NCOR2: variants seen among roughly 807,000 people sequenced by gnomAD.
The protein encoded by NCOR2 is CTG repeat protein 26.
In NCOR2, 81 loss-of-function variants were observed where a neutral mutation model predicts 262.9. The observed-to-expected ratio is 0.31, with a 90% confidence interval of 0.26 to 0.37. The LOEUF (loss-of-function observed/expected upper bound fraction) is 0.37. Among genes scored for constraint, NCOR2 ranks in the 10% least tolerant of loss-of-function variants. NCOR2 has a pLI of 1.00. For synonymous variants in NCOR2, 1,659 were observed against 1,559.3 expected, an observed-to-expected ratio of 1.06 and a Z score of -1.51; for missense variants, 3,385 against 3,621.4, an observed-to-expected ratio of 0.93 and a Z score of 1.68.
chr12:124,325,392 C>CCCCCCAAAA, exon 47 of NCOR2: 1 of 1,152,270 alleles, frequency 8.7e-7, no homozygotes, highest in Non-Finnish European at 1.1e-6. Flanking sequence ...CCCCCCCGCC[C>CCCCCCAAAA]TGTTCTGAGT....
At chr12:124,379,202 G>A (rs2040236466) in intron 17 of NCOR2, among the ~76,000 whole-genome samples, 1 of 152,142 alleles carries the variant, frequency 6.6e-6, no homozygotes, top group Non-Finnish European at 1.5e-5. Flanking sequence ...CATGCCGGGT[G>A]TGTCCAGGAA....
In NCOR2 at chr12:124,375,503, C is replaced by T. The variant is rs555425894; in HGVS notation, c.2168-1040G>A. Among the ~76,000 whole-genome samples the T allele has an allele frequency of 1.5e-4, 23 of 152,312 alleles. 1 individual carries two copies. The Middle Eastern group carries it at 0.017, about 113-fold the overall frequency. ...CACTTCTAACAAATCCCAGGGAACA[C>T]TCTGCCACCGCTGCCCTAGAATCCA... On this transcript the variant is annotated intron_variant, in intron 18 of 46. Coordinates refer to ENST00000405201, the Ensembl canonical transcript of NCOR2.
In NCOR2 at chr12:124,341,755, C is replaced by A. The variant is rs1267138619; in HGVS notation, c.5188+68G>T. 1.9e-6 allele frequency: 3 copies of A among 1,540,234 alleles called. No individual in the cohort carries two copies. The African/African-American group carries it at 4.1e-5, about 21-fold the overall frequency. ...AGGTCTAGCTGCCTCCGCGAGGCCA[C>A]AGGGGCACGCCCATGTCCTTTGGGA... On this transcript the variant is annotated intron_variant, in intron 34 of 46. Coordinates refer to ENST00000405201, the Ensembl canonical transcript of NCOR2.
At chr12:124,379,140 C>T (rs997529159) in intron 17 of NCOR2, among the ~76,000 whole-genome samples, 6 of 107,224 alleles carry the variant, frequency 5.6e-5, no homozygotes, top group Admixed American at 9.4e-5. Context: ...AGGCTCTGGA[C>T]GAGAGTGGCA....
rs1435369168 is a variant in NCOR2 at position 124,432,325 on chromosome 12, C to A, written c.883-1538G>T. Among the ~76,000 whole-genome samples, 1 of 152,212 alleles carries A rather than the reference C, an allele frequency of 6.6e-6. No individual in the cohort carries two copies. Among genetic ancestry groups the A allele is most frequent in the Non-Finnish European group, 1.5e-5 (1 of 68,040 alleles). Reference sequence around the variant, plus strand: ...CCTGAAGAAAACCCACAGACTTCCCCTGAGGACACGGTCACCTCCCTTCCT... The same window carrying A: ...CCTGAAGAAAACCCACAGACTTCCCATGAGGACACGGTCACCTCCCTTCCT... On this transcript the variant is annotated intron_variant, in intron 8 of 46. Coordinates refer to ENST00000405201, the Ensembl canonical transcript of NCOR2. The surrounding 1 kb of genome is among the most constrained non-coding windows in gnomAD (Gnocchi z 5.1).
At chr12:124,547,282 C>T (rs1386052842) in intron 1 of NCOR2, among the ~76,000 whole-genome samples, 1 of 152,204 alleles carries the variant, frequency 6.6e-6, no homozygotes, top group Non-Finnish European at 1.5e-5. Context: ...CATGAGCCAC[C>T]ACACCTGGCC....
At chr12:124,420,249 G>A (rs1013731652) in intron 12 of NCOR2, among the ~76,000 whole-genome samples, 194 bp from the exon 15 acceptor site, 1 of 152,206 alleles carries the variant, frequency 6.6e-6, no homozygotes, top group African/African-American at 2.4e-5. Context: ...ATACTTCACA[G>A]GATTATCACA....
intron 43 of NCOR2, among the ~76,000 whole-genome samples, chr12:124,331,243 A>C (rs1444538440): frequency 2.6e-5 from 4 of 151,788 alleles, no homozygotes; most frequent in Non-Finnish European, 4.4e-5. Flanking sequence ...TTGTATTTTT[A>C]GTAGAGACGG....
At chr12:124,563,766 T>G (rs1170487739) in intron 1 of NCOR2, among the ~76,000 whole-genome samples, 1 of 152,244 alleles carries the variant, frequency 6.6e-6, no homozygotes, top group East Asian at 1.9e-4. Flanking sequence ...CCCCAAACCC[T>G]GGGGAGAACG....
chr12:124,384,064 T>G (rs1213859621), intron 17 of NCOR2, among the ~76,000 whole-genome samples: 2 of 151,646 alleles, frequency 1.3e-5, no homozygotes, highest in East Asian at 1.9e-4. Flanking sequence ...AGAGAGAAAG[T>G]GAAAGGACAG....
In NCOR2 at chr12:124,486,626, G is replaced by A. The variant is rs992373936; in HGVS notation, c.106-58C>T. 23 of 1,518,624 alleles carry A rather than the reference G, an allele frequency of 1.5e-5. 1 individual carries two copies. The African/African-American group carries it at 1.9e-4, about 13-fold the overall frequency. 94.1% of individuals were successfully genotyped at this position (1,518,624 alleles called of 1,614,324 possible). On this transcript the variant is annotated intron_variant, in intron 1 of 46. Coordinates refer to ENST00000405201, the Ensembl canonical transcript of NCOR2. The stretch of plus-strand genomic sequence containing the variant: ...GGCGGGCACGGGCATGGCGGGGCAC[G>A]GCAGGGCACAGTGGGCAAGGCCGTG...
At chr12:124,506,605 C>A (rs926539732) in intron 1 of NCOR2, among the ~76,000 whole-genome samples, 2 of 152,018 alleles carry the variant, frequency 1.3e-5, no homozygotes, top group African/African-American at 4.8e-5. Flanking sequence ...GGGAGCGGCC[C>A]TCCCCACTTG....
At chr12:124,381,529 G>C (rs1446421743) in intron 17 of NCOR2, among the ~76,000 whole-genome samples, 3 of 152,256 alleles carry the variant, frequency 2.0e-5, no homozygotes, top group African/African-American at 7.2e-5. Context: ...ACCTGGAACA[G>C]TGTCTAGCAC....
In NCOR2 at chr12:124,462,072, ACTCT is replaced by A. The variant is rs2046193327; in HGVS notation, c.705+4097_705+4100del. Among the ~76,000 whole-genome samples the A allele has an allele frequency of 2.0e-5, 3 of 152,186 alleles. 1 individual carries two copies. The South Asian group carries it at 6.2e-4, about 32-fold the overall frequency. ...GCTCGTCCCACACAAGCTGACTCTT[ACTCT>A]AAGTATTCACATACAAGTATGCACA... On this transcript the variant is annotated intron_variant, in intron 5 of 46. Coordinates refer to ENST00000405201, the Ensembl canonical transcript of NCOR2.
upstream of NCOR2, among the ~76,000 whole-genome samples, chr12:124,499,831 G>A (rs1470745133): frequency 6.6e-6 from 1 of 152,140 alleles, no homozygotes; most frequent in East Asian, 1.9e-4. Context: ...CAGGCACTGG[G>A]GACAGCAAGA....
intron 16 of NCOR2, among the ~76,000 whole-genome samples, chr12:124,387,182 G>A (rs531470946): frequency 1.2e-4 from 19 of 152,332 alleles, no homozygotes; most frequent in South Asian, 4.1e-4. Flanking sequence ...AGGGGCAGCC[G>A]TCTGTGTTGG....
At chr12:124,327,339 G>T (rs1025308222) in intron 45 of NCOR2, 70 bp downstream of exon 47, 2 of 1,242,910 alleles carry the variant, frequency 1.6e-6, no homozygotes, top group Non-Finnish European at 2.2e-6. Context: ...TCAGAGGAGC[G>T]CGGAGGAGCG....
In NCOR2 at chr12:124,517,690, C is replaced by G. The variant is rs541924900; in HGVS notation, c.-118+17875G>C. Among the ~76,000 whole-genome samples the G allele has an allele frequency of 1.2e-4, 18 of 152,350 alleles. No homozygotes were observed. Among genetic ancestry groups the G allele is most frequent in the East Asian group, 5.8e-4 (3 of 5,178 alleles). On this transcript the variant is annotated intron_variant, in intron 1 of 46. Coordinates refer to the NCOR2 transcript ENST00000404621. The surrounding 1 kb of genome is among the most constrained non-coding windows in gnomAD (Gnocchi z 7.6). ...GCCCCCAAGGCTCGCCATGCTCCCCCCCAGGGACGCCGGATGTGCACCAAG... is the reference window on the plus strand; with the variant it reads ...GCCCCCAAGGCTCGCCATGCTCCCCGCCAGGGACGCCGGATGTGCACCAAG...
At chr12:124,401,856 C>T (rs2042002212) in intron 14 of NCOR2, among the ~76,000 whole-genome samples, 2 of 152,198 alleles carry the variant, frequency 1.3e-5, no homozygotes, top group African/African-American at 4.8e-5. Flanking sequence ...TAAGTCGTGC[C>T]GCCCCCCTTT....
Sources: allele counts gnomAD v4.1 joint callset (sites outside exome capture counted in the v4.1 genomes callset), GRCh38; gene constraint gnomAD v4.1.1; non-coding constraint Gnocchi (gnomAD v3.1); transcripts MANE v1.5; gene names NCBI Gene and HGNC (gene_info 2026-07-23, HGNC 2026-07-21).